The following CHRM3 variants were observed in gnomAD, a reference collection of about 807,000 sequenced individuals.
CHRM3 encodes the protein muscarinic acetylcholine receptor M3.
Under a neutral mutation model 41.8 loss-of-function variants are expected in CHRM3, and 11 were observed. The ratio of observed to expected loss-of-function variants is 0.26; its 90% confidence interval spans 0.17 to 0.44. The LOEUF is 0.44. CHRM3 is among the 20% of genes least tolerant of loss of function. CHRM3 has a pLI of 1.00. For missense variants in CHRM3, 571 were observed against 745.4 expected, an observed-to-expected ratio of 0.77 and a Z score of 2.72; for synonymous variants, 297 against 301.4, an observed-to-expected ratio of 0.99 and a Z score of 0.15.
At chr1:239,699,994 C>T (rs1452113500) in intron 5 of CHRM3, among the ~76,000 whole-genome samples, 1 of 152,130 alleles carries the variant, frequency 6.6e-6, no homozygotes, top group Non-Finnish European at 1.5e-5. Flanking sequence ...TTCTATTCAG[C>T]AGGATTCATT....
rs1680286148 is a variant in CHRM3 at position 239,910,283 on chromosome 1, C to T, written c.*1059C>T. ...TGCTTGAAACTCAATAATAGTGTCA[C>T]GTTTGAATGTCATACACAGCAATAT... On this transcript the variant is annotated 3_prime_UTR_variant, in exon 7 of 7. Transcript: ENST00000676153. 1 of 164,158 alleles carries T rather than the reference C, an allele frequency of 6.1e-6. No individual in the cohort carries two copies. The highest frequency in any genetic ancestry group is 2.5e-5 in the African/African-American group (1 of 40,382). 10.2% of individuals were successfully genotyped at this position (164,158 alleles called of 1,614,324 possible). A position where few individuals can be genotyped will look rare whatever the true frequency, so the allele number is the denominator to read the frequency against.
intron 4 of CHRM3, among the ~76,000 whole-genome samples, chr1:239,666,266 C>T (rs1450074931): frequency 1.3e-5 from 2 of 151,516 alleles, no homozygotes; most frequent in Non-Finnish European, 2.9e-5. Context: ...TTGATCTTGG[C>T]TCACTGTAAC....
intron 5 of CHRM3, among the ~76,000 whole-genome samples, chr1:239,782,321 C>G (rs1668568475): frequency 6.6e-6 from 1 of 151,950 alleles, no homozygotes; most frequent in African/African-American, 2.4e-5. Flanking sequence ...ACTGTTGCTT[C>G]TTGTCTAAGT....
At chr1:239,752,285 G>C (rs1047039118) in intron 5 of CHRM3, among the ~76,000 whole-genome samples, 8 of 152,088 alleles carry the variant, frequency 5.3e-5, no homozygotes, top group Non-Finnish European at 8.8e-5. Flanking sequence ...AGGGATGCTG[G>C]GAAAAAGACT....
intron 2 of CHRM3, among the ~76,000 whole-genome samples, chr1:239,518,100 C>T (rs1669391654): frequency 6.6e-6 from 1 of 151,880 alleles, no homozygotes; most frequent in South Asian, 2.1e-4. Flanking sequence ...AGTGAGACTC[C>T]ATCTGAAAAA....
chr1:239,821,840 T>C (rs1359022213), intron 5 of CHRM3, among the ~76,000 whole-genome samples: 1 of 152,150 alleles, frequency 6.6e-6, no homozygotes, highest in Non-Finnish European at 1.5e-5. Flanking sequence ...CAGGACCAGG[T>C]GGAGGTAACT....
intron 2 of CHRM3, among the ~76,000 whole-genome samples, chr1:239,514,843 G>C (rs1669153241): frequency 6.6e-6 from 1 of 152,018 alleles, no homozygotes; most frequent in Non-Finnish European, 1.5e-5. Context: ...ACTTGATCTA[G>C]GAGAAAACTT....
At chr1:239,772,262 T>C (rs1667743480) in intron 5 of CHRM3, among the ~76,000 whole-genome samples, 2 of 152,132 alleles carry the variant, frequency 1.3e-5, no homozygotes, top group East Asian at 1.9e-4. Context: ...GCGATTCTCT[T>C]GCCTCAGCCT....
chr1:239,598,067 A>G (rs1665015911), intron 3 of CHRM3, among the ~76,000 whole-genome samples: 1 of 152,102 alleles, frequency 6.6e-6, no homozygotes, highest in Admixed American at 6.5e-5. Context: ...AACACAGCCC[A>G]GGGCCAGGGG....
At chr1:239,594,309 C>T (rs571662469) in intron 3 of CHRM3, among the ~76,000 whole-genome samples, 1 of 152,288 alleles carries the variant, frequency 6.6e-6, no homozygotes, top group South Asian at 2.1e-4. Context: ...CAAAGCTTTT[C>T]CCCAAATAGG....
chr1:239,882,721 A>G (rs191605269), intron 6 of CHRM3, among the ~76,000 whole-genome samples: 63 of 152,358 alleles, frequency 4.1e-4, no homozygotes, highest in Middle Eastern at 6.8e-3. Flanking sequence ...ATAATCTGCA[A>G]TGGACATATC....
intron 5 of CHRM3, among the ~76,000 whole-genome samples, chr1:239,760,979 G>A (rs572781229): frequency 5.0e-5 from 3 of 60,604 alleles, no homozygotes; most frequent in South Asian, 8.7e-4. Flanking sequence ...CTCTCCCCTC[G>A]CCCAAACCAC....
At chr1:239,657,235 T>C (rs1672795670) in intron 4 of CHRM3, among the ~76,000 whole-genome samples, 1 of 152,214 alleles carries the variant, frequency 6.6e-6, no homozygotes, top group Non-Finnish European at 1.5e-5. Context: ...CAGTGGAATG[T>C]GAAGAGGAGC....
chr1:239,480,256 C>A (rs938522929), intron 1 of CHRM3, among the ~76,000 whole-genome samples: 42 of 152,026 alleles, frequency 2.8e-4, no homozygotes, highest in African/African-American at 1.0e-3. Context: ...AAAGCTCCTA[C>A]ATGGAGAAAA....
chr1:239,736,673 A>T (rs191251765), intron 5 of CHRM3, among the ~76,000 whole-genome samples: 15 of 152,276 alleles, frequency 9.9e-5, no homozygotes, highest in African/African-American at 3.6e-4. Flanking sequence ...TTCCAAGATA[A>T]ATTGCTGACC....
At chr1:239,515,597 G>A (rs1210897893) in intron 2 of CHRM3, among the ~76,000 whole-genome samples, 5 of 152,064 alleles carry the variant, frequency 3.3e-5, no homozygotes, top group African/African-American at 1.2e-4. Flanking sequence ...CCAAAAGCTT[G>A]CCACATGGCT....
chr1:239,556,250 C>T (rs925649699), intron 3 of CHRM3, among the ~76,000 whole-genome samples: 1 of 152,018 alleles, frequency 6.6e-6, no homozygotes, highest in Non-Finnish European at 1.5e-5. Context: ...ATTTTCTTGC[C>T]ATTGATGTAA....
Position 239,387,607 on chromosome 1 carries a change from G to A in CHRM3, c.-521+380G>A, listed in dbSNP as rs1658638241. On this transcript the variant is annotated intron_variant, in intron 1 of 6. Transcript: ENST00000676153. The surrounding 1 kb of genome is among the most constrained non-coding windows in gnomAD (Gnocchi z 5.1). ...CTCTCTTCGCCACTGCCGGATCTGA[G>A]GCTCCAAAGTGCCCGAGCATGAGGA... Among the ~76,000 whole-genome samples the A allele has an allele frequency of 6.6e-6, 1 of 152,216 alleles. No homozygotes were observed. The highest frequency in any genetic ancestry group is 1.5e-5 in the Non-Finnish European group (1 of 68,026).
chr1:239,889,241 G>A (rs1678336324), intron 6 of CHRM3, among the ~76,000 whole-genome samples: 1 of 152,144 alleles, frequency 6.6e-6, no homozygotes, highest in African/African-American at 2.4e-5. Context: ...GTTGGATCAG[G>A]TGTACCATTT....
Sources: gnomAD v4.1 joint callset for allele counts (sites outside exome capture counted in the v4.1 genomes callset) on GRCh38, gnomAD v4.1.1 for gene constraint, Gnocchi (gnomAD v3.1) non-coding constraint, MANE v1.5 for transcripts, NCBI Gene and HGNC (gene_info 2026-07-23, HGNC 2026-07-21) for gene names.